RPS25: variants seen among roughly 807,000 people sequenced by gnomAD.
The protein encoded by RPS25 is small ribosomal subunit protein eS25.
RPS25 carries 1 observed loss-of-function variant against 14.4 expected under a neutral mutation model. That is an observed-to-expected ratio of 0.07 (90% confidence interval 0.02 to 0.33). RPS25 has a LOEUF of 0.33. Ranked by LOEUF, RPS25 falls within the 10% of genes least tolerant of loss-of-function variation. The pLI is 1.00. For synonymous variants in RPS25, 63 were observed against 53.8 expected (o/e 1.17, Z -0.75); for missense variants, 65 against 144.6 (o/e 0.45, Z 2.82).
intron 3 of RPS25, among the ~76,000 whole-genome samples, chr11:119,016,422 GAC>G (rs1246225020): frequency 6.6e-6 from 1 of 151,878 alleles, no homozygotes; most frequent in Non-Finnish European, 1.5e-5. Flanking sequence ...AAAACAAAAA[GAC>G]AGAGTTCTCT....
chr11:119,016,376 A>C (rs2134587405), intron 3 of RPS25, among the ~76,000 whole-genome samples: 1 of 152,280 alleles, frequency 6.6e-6, no homozygotes, highest in East Asian at 1.9e-4. Context: ...CAGCCTGGGC[A>C]ACATGGCAAA....
At chr11:119,016,013 C>T (rs1229527294) in intron 3 of RPS25, 74 bp from the exon 4 acceptor site, 9 of 911,968 alleles carry the variant, frequency 9.9e-6, no homozygotes, top group Admixed American at 8.9e-5. Context: ...TTTGGCTGGG[C>T]GCGGTGGCTC....
At chr11:119,017,219 G>A (rs1000730956) in intron 3 of RPS25, 143 bp downstream of exon 3, 58 of 597,570 alleles carry the variant, frequency 9.7e-5, no homozygotes, top group East Asian at 9.2e-4. Flanking sequence ...GGAGTAAGAC[G>A]TCAGAATTAC....
At chr11:119,017,716 G>C in intron 2 of RPS25, 171 bp from the exon 3 acceptor site, 1 of 715,094 alleles carries the variant, frequency 1.4e-6, no homozygotes, top group East Asian at 2.7e-5. Flanking sequence ...CTTCAAACAG[G>C]GGCCGAGCCC....
chr11:119,016,299 C>T (rs1055919068), intron 3 of RPS25, among the ~76,000 whole-genome samples: 4 of 151,992 alleles, frequency 2.6e-5, no homozygotes, highest in African/African-American at 9.7e-5. Context: ...TTGTTTTGGC[C>T]GGGTGCAGAG....
In RPS25 at chr11:119,018,319, C is replaced by G; in HGVS notation, c.-35G>C. ...CGGAGAATAGCAGCAGACACCGCAG[C>G]CTCGTCAAGATGTCGGACAAAAAGG... On this transcript the variant is annotated 5_prime_UTR_variant, in exon 1 of 5. Coordinates refer to ENST00000527673, the MANE Select transcript of RPS25 (RefSeq NM_001028.3). The G allele has an allele frequency of 6.2e-7, 1 of 1,614,098 alleles. No homozygotes were observed. Among genetic ancestry groups the G allele is most frequent in the Non-Finnish European group, 8.5e-7 (1 of 1,180,008 alleles).
Position 119,017,405 on chromosome 11 carries a change from T to G in RPS25, c.240A>C (p.Arg80=). Residue 80 remains arginine (R), a synonymous_variant, in exon 3 of 5, where the codon CGA becomes CGC. Coordinates refer to ENST00000527673, the MANE Select transcript of RPS25 (RefSeq NM_001028.3). The stretch of plus-strand genomic sequence containing the variant: ...GAAGGGCTGCCCTGGCCAGGGAGCC[T>G]CGAATCTTCAGTCTCTCAGAGACCA... ...PAVVSERLKI[R]GSLARAALQE... 6.2e-7 allele frequency: 1 copy of G among 1,614,118 alleles called. No individual in the cohort carries two copies. The highest frequency in any genetic ancestry group is 8.5e-7 in the Non-Finnish European group (1 of 1,179,972).
chr11:119,017,567 A>G, intron 2 of RPS25, 22 bp from the exon 3 acceptor site: 1 of 1,605,620 alleles, frequency 6.2e-7, no homozygotes, highest in South Asian at 1.1e-5. Context: ...AACAAAACAG[A>G]AACAAGTTAG....
At position 119,018,321 on chromosome 11, in the gene RPS25, TCG is replaced by T; in HGVS notation, c.-39_-38del. 2 of 1,614,052 alleles carry T rather than the reference TCG, an allele frequency of 1.2e-6. No homozygotes were observed. Among genetic ancestry groups the T allele is most frequent in the Non-Finnish European group, 1.7e-6 (2 of 1,180,000 alleles). ...GAGAATAGCAGCAGACACCGCAGCC[TCG>T]TCAAGATGTCGGACAAAAAGGAAGC... is the stretch of plus-strand genomic sequence containing the variant. On this transcript the variant is annotated 5_prime_UTR_variant, in exon 1 of 5. Transcript: ENST00000527673.
rs782333917 is a variant in RPS25, at chr11:119,015,794, G to T, written c.*5-36C>A. On this transcript the variant is annotated intron_variant, in intron 4 of 4. Coordinates refer to ENST00000527673, the MANE Select transcript of RPS25 (RefSeq NM_001028.3). ...AAATTAAAAGAATCAGAACCATAAA[G>T]CTTTGTATCTACCTCCTACACCATG... 2.9e-6 allele frequency: 4 copies of T among 1,376,344 alleles called. No homozygotes were observed. In the Admixed American group the frequency reaches 5.2e-5, roughly 18 times the overall value. The allele number at this position is 1,376,344 out of a possible 1,614,324, so 85.3% of individuals were successfully genotyped here. A position where few individuals can be genotyped will look rare whatever the true frequency, so the allele number is the denominator to read the frequency against.
intron 3 of RPS25, 110 bp downstream of exon 3, chr11:119,017,252 G>A (rs1024354802): frequency 1.2e-6 from 1 of 800,592 alleles, no homozygotes; most frequent in South Asian, 2.2e-5. Flanking sequence ...CAATGGTCAA[G>A]CCACGCTTTT....
chr11:119,016,643 C>A (rs934619974), intron 3 of RPS25, among the ~76,000 whole-genome samples: 4 of 151,436 alleles, frequency 2.6e-5, no homozygotes, highest in South Asian at 2.1e-4. Flanking sequence ...CACCCCCCCC[C>A]CCTTTCTGAG....
intron 3 of RPS25, 48 bp downstream of exon 3, chr11:119,017,314 C>A: frequency 7.2e-7 from 1 of 1,396,158 alleles, no homozygotes; most frequent in South Asian, 1.4e-5. Flanking sequence ...TTAACATGGT[C>A]AAGACAATTT....
At chr11:119,017,173 A>G (rs1205637841) in intron 3 of RPS25, among the ~76,000 whole-genome samples, 189 bp downstream of exon 3, 1 of 152,174 alleles carries the variant, frequency 6.6e-6, no homozygotes, top group Non-Finnish European at 1.5e-5. Flanking sequence ...ACGGCACAAA[A>G]GTGGCTAAGA....
rs1216003667 is a variant in RPS25 at position 119,017,763 on chromosome 11, G to A, written c.99+195C>T. On this transcript the variant is annotated intron_variant, in intron 2 of 4. Transcript: ENST00000527673. The stretch of plus-strand genomic sequence containing the variant: ...TTAAAAATAACACAGCAGGCACAGC[G>A]GCAGACACTTCGCACAACAGACCCA... The A allele has an allele frequency of 2.0e-5, 13 of 660,562 alleles. No homozygotes were observed. The East Asian group carries it at 3.3e-4, about 17-fold the overall frequency. 40.9% of individuals were successfully genotyped at this position (660,562 alleles called of 1,614,324 possible).
chr11:119,017,343 T>C lies in RPS25; in HGVS notation c.283+19A>G, dbSNP rs782479680. 4 of 1,587,242 alleles carry C rather than the reference T, an allele frequency of 2.5e-6. No individual in the cohort carries two copies. Among genetic ancestry groups the C allele is most frequent in the East Asian group, 2.2e-5 (1 of 44,582 alleles). On this transcript the variant is annotated intron_variant, in intron 3 of 4. Coordinates refer to ENST00000527673, the MANE Select transcript of RPS25 (RefSeq NM_001028.3). ...ACAATTTAACCTACAAAAACACACATGTAGGATACACCCCTCACCTTTACT... is the reference window on the plus strand; with the variant it reads ...ACAATTTAACCTACAAAAACACACACGTAGGATACACCCCTCACCTTTACT...
In RPS25 at chr11:119,017,251, A is replaced by G. The variant is rs915143315; in HGVS notation, c.283+111T>C. The G allele has an allele frequency of 3.6e-5, 29 of 797,112 alleles. No individual in the cohort carries two copies. In the African/African-American group the frequency reaches 3.7e-4, roughly 10 times the overall value. 49.4% of individuals were successfully genotyped at this position (797,112 alleles called of 1,614,324 possible). A position where few individuals can be genotyped will look rare whatever the true frequency, so the allele number is the denominator to read the frequency against. ...TTACATTACTAACAGCCAATGGTCA[A>G]GCCACGCTTTTTTTTTTTAATTCTG... On this transcript the variant is annotated intron_variant, in intron 3 of 4. Transcript: ENST00000527673.
In RPS25 at chr11:119,015,774, A is replaced by C. The variant is rs1343114362; in HGVS notation, c.*5-16T>G. 1 of 1,329,716 alleles carries C rather than the reference A, an allele frequency of 7.5e-7. No individual in the cohort carries two copies. Among genetic ancestry groups the C allele is most frequent in the Admixed American group, 2.0e-5 (1 of 51,124 alleles). 82.4% of individuals were successfully genotyped at this position (1,329,716 alleles called of 1,614,324 possible). A position where few individuals can be genotyped will look rare whatever the true frequency, so the allele number is the denominator to read the frequency against. On this transcript the variant is annotated splice_polypyrimidine_tract_variant and intron_variant, in intron 4 of 4. Transcript: ENST00000527673. ...CTGGTTGGACCTGTAAAAAAAAATT[A>C]AAAGAATCAGAACCATAAAGCTTTG...
intron 3 of RPS25, among the ~76,000 whole-genome samples, chr11:119,016,273 G>C (rs1943153894): frequency 1.3e-5 from 2 of 152,110 alleles, no homozygotes; most frequent in Non-Finnish European, 2.9e-5. Flanking sequence ...GCAACAGAAT[G>C]AGACTCTAGT....
Sources: allele counts gnomAD v4.1 joint callset (sites outside exome capture counted in the v4.1 genomes callset), GRCh38; gene constraint gnomAD v4.1.1; transcripts MANE v1.5; gene names NCBI Gene and HGNC (gene_info 2026-07-23, HGNC 2026-07-21).